Variants in DPP6 observed in about 807,000 individuals in gnomAD.
DPP6 encodes A-type potassium channel modulatory protein DPP6.
DPP6 carries 69 observed loss-of-function variants against 122.6 expected under a neutral mutation model. The observed-to-expected ratio is 0.56, with a 90% confidence interval of 0.46 to 0.69. The LOEUF (loss-of-function observed/expected upper bound fraction) is 0.69, where lower values mean the gene tolerates loss of function less well. Among genes scored for constraint, DPP6 ranks in the 30% least tolerant of loss-of-function variants. The probability of loss-of-function intolerance (pLI) is 0.00; values close to 1 mark genes in which losing one functional copy is unlikely to be tolerated. For synonymous variants in DPP6, 418 were observed against 433.1 expected (o/e 0.97, Z 0.43); for missense variants, 928 against 1,116.9 (o/e 0.83, Z 2.41).
intron 1 of DPP6, among the ~76,000 whole-genome samples, chr7:154,013,712 A>G (rs535118137): frequency 6.6e-6 from 1 of 152,026 alleles, no homozygotes; most frequent in African/African-American, 2.4e-5. Flanking sequence ...TTTATCTTCT[A>G]TGTTCTCTTC....
Position 154,612,520 on chromosome 7 carries a change from G to T in DPP6, c.628-25301G>T, listed in dbSNP as rs1441825762. On this transcript the variant is annotated intron_variant, in intron 5 of 25. Transcript: ENST00000377770. ...TTTTATTGCGGAGTAATATTCCATG[G>T]TATTGGTGTAACAGTTTAACCATTC... Among the ~76,000 whole-genome samples the T allele has an allele frequency of 3.3e-5, 5 of 152,264 alleles. No homozygotes were observed. The East Asian group carries it at 7.7e-4, about 23-fold the overall frequency.
At chr7:154,805,756 G>A (rs1227510255) in intron 15 of DPP6, among the ~76,000 whole-genome samples, 1 of 152,164 alleles carries the variant, frequency 6.6e-6, no homozygotes, top group East Asian at 1.9e-4. Flanking sequence ...CACTAAAGGA[G>A]GCTTTGGGTT....
At chr7:154,756,565 G>C (rs574354833) in intron 8 of DPP6, among the ~76,000 whole-genome samples, 7 of 152,252 alleles carry the variant, frequency 4.6e-5, no homozygotes, top group African/African-American at 1.7e-4. Context: ...ACAGCTGGTA[G>C]GGGGCAGGGC....
chr7:154,877,593 C>T lies in DPP6; in HGVS notation c.2078+1493C>T, dbSNP rs975253148. On this transcript the variant is annotated intron_variant, in intron 20 of 25. Transcript: ENST00000377770. The surrounding 1 kb of genome is among the most constrained non-coding windows in gnomAD (Gnocchi z 5.2). ...TCATCCTAAGCCGAGCCCTCAGTCA[C>T]GGGGTGGCCCTCAGTAGCACCTGGC... 2.0e-5 allele frequency among the ~76,000 whole-genome samples: 3 copies of T among 152,176 alleles called. No individual in the cohort carries two copies. The highest frequency in any genetic ancestry group is 4.4e-5 in the Non-Finnish European group (3 of 68,036).
At chr7:153,998,224 T>C (rs1315793475) in intron 1 of DPP6, among the ~76,000 whole-genome samples, 2 of 152,192 alleles carry the variant, frequency 1.3e-5, no homozygotes, top group African/African-American at 4.8e-5. Flanking sequence ...AAAAGTTGAC[T>C]ATGCTTAGAA....
the DPP6 span, among the ~76,000 whole-genome samples, chr7:153,762,719 G>A: frequency 6.6e-6 from 1 of 152,130 alleles, no homozygotes; most frequent in South Asian, 2.1e-4. Context: ...GGTGGAGGTT[G>A]CGGTGAGCCA....
chr7:154,188,685 C>T (rs574589120), intron 1 of DPP6, among the ~76,000 whole-genome samples: 33 of 152,340 alleles, frequency 2.2e-4, no homozygotes, highest in Admixed American at 8.5e-4. Context: ...ACAAAGGTAT[C>T]TAATAAACCC....
chr7:153,754,419 T>C, the DPP6 span, among the ~76,000 whole-genome samples: 1 of 152,144 alleles, frequency 6.6e-6, no homozygotes, highest in Non-Finnish European at 1.5e-5. Context: ...AGAAGTGAAG[T>C]CATTTGATTC....
chr7:154,843,191 A>G (rs549393250), intron 16 of DPP6, among the ~76,000 whole-genome samples: 4 of 152,226 alleles, frequency 2.6e-5, no homozygotes, highest in Non-Finnish European at 4.4e-5. Flanking sequence ...AGTCCCAGCT[A>G]CTTGGAAGGT....
At chr7:153,920,563 C>CTTTTTTTTTTTTTTTTTTTTTTT (rs61553100) in intron 1 of DPP6, among the ~76,000 whole-genome samples, 4 of 88,688 alleles carry the variant, frequency 4.5e-5, no homozygotes, top group Admixed American at 1.6e-4. Context: ...TTATCTCTCT[C>CTTTTTTTTTTTTTTTTTTTTTTT]TTTTTTTTTT....
In DPP6 at chr7:154,772,845, G is replaced by T. The variant is rs770646362; in HGVS notation, c.1039G>T (p.Ala347Ser). The T allele has an allele frequency of 6.2e-6, 10 of 1,611,220 alleles. No homozygotes were observed. The highest frequency in any genetic ancestry group is 8.5e-6 in the Non-Finnish European group (10 of 1,179,100). ...PTVKPYHYPK[A>S]GSENPSISLH... is the part of the protein sequence containing the mutation. ...GTCTCTGCCCCTTTTTAATCCCCAG[G>T]CTGGAAGTGAGAACCCCAGCATTTC... Residue 347 changes from alanine (A) to serine (S), a missense_variant and splice_region_variant, in exon 10 of 26, where the codon GCT becomes TCT. Transcript: ENST00000377770.
intron 2 of DPP6, among the ~76,000 whole-genome samples, chr7:154,462,513 T>G (rs1313975522): frequency 6.6e-6 from 1 of 152,150 alleles, no homozygotes; most frequent in Non-Finnish European, 1.5e-5. Context: ...TATTTTTATT[T>G]TTTATGTCTG....
chr7:154,379,079 A>G (rs1311076915), intron 1 of DPP6, among the ~76,000 whole-genome samples: 2 of 152,142 alleles, frequency 1.3e-5, no homozygotes, highest in East Asian at 1.9e-4. Context: ...CTAACATCAC[A>G]TTGGGTGTTA....
chr7:154,197,240 A>G (rs1798916272), intron 1 of DPP6, among the ~76,000 whole-genome samples: 1 of 151,642 alleles, frequency 6.6e-6, no homozygotes, highest in South Asian at 2.1e-4. Flanking sequence ...AGCAGAAGAT[A>G]TGTAAAGCTC....
intron 1 of DPP6, among the ~76,000 whole-genome samples, chr7:154,184,526 G>A (rs1047316443): frequency 6.6e-6 from 1 of 152,038 alleles, no homozygotes; most frequent in Non-Finnish European, 1.5e-5. Context: ...TCCCACAGAC[G>A]TCCTAGCAGC....
At chr7:154,456,428 T>C (rs1464395805) in intron 2 of DPP6, among the ~76,000 whole-genome samples, 1 of 152,218 alleles carries the variant, frequency 6.6e-6, no homozygotes, top group African/African-American at 2.4e-5. Context: ...GCTTTTCCCC[T>C]ACTCAGATTC....
chr7:154,492,979 C>G (rs1824413988), intron 3 of DPP6, among the ~76,000 whole-genome samples: 1 of 152,176 alleles, frequency 6.6e-6, no homozygotes, highest in African/African-American at 2.4e-5. Flanking sequence ...TCCCGCATCC[C>G]TCTTCTTAAA....
chr7:154,889,216 C>A (rs1806402511), intron 23 of DPP6, 56 bp from the exon 24 acceptor site: 9 of 1,579,232 alleles, frequency 5.7e-6, no homozygotes, highest in East Asian at 2.3e-5. Context: ...AAGCAGAACA[C>A]CTGGCTCCCT....
In DPP6 at chr7:154,569,609, A is replaced by T. The variant is rs1830983433; in HGVS notation, c.627+2693A>T. Reference sequence around the variant, plus strand: ...ATATGAACCAACTCAACTTTTCATTAAAAAGACTATCATAAAATTGTTTTA... The same window carrying T: ...ATATGAACCAACTCAACTTTTCATTTAAAAGACTATCATAAAATTGTTTTA... On this transcript the variant is annotated intron_variant, in intron 5 of 25. Transcript: ENST00000377770. Among the ~76,000 whole-genome samples, 3 of 151,954 alleles carry T rather than the reference A, an allele frequency of 2.0e-5. No individual in the cohort carries two copies. The South Asian group carries it at 6.2e-4, about 31-fold the overall frequency.
Sources: gnomAD v4.1 joint callset for allele counts (sites outside exome capture counted in the v4.1 genomes callset) on GRCh38, gnomAD v4.1.1 for gene constraint, Gnocchi (gnomAD v3.1) non-coding constraint, MANE v1.5 for transcripts, NCBI Gene and HGNC (gene_info 2026-07-23, HGNC 2026-07-21) for gene names.